The following AKAP6 variants were observed in gnomAD, a reference collection of about 807,000 sequenced individuals.
The protein encoded by AKAP6 is A-kinase anchoring protein 6.
In AKAP6, 58 loss-of-function variants were observed where a neutral mutation model predicts 188.5. That is an observed-to-expected ratio of 0.31 (90% CI 0.25 to 0.38). The LOEUF is 0.38. Among genes scored for constraint, AKAP6 ranks in the 10% least tolerant of loss-of-function variants. AKAP6 has a pLI of 1.00. For synonymous variants in AKAP6, 989 were observed against 998.6 expected, an observed-to-expected ratio of 0.99 and a Z score of 0.18; for missense variants, 2,710 against 2,740.0, an observed-to-expected ratio of 0.99 and a Z score of 0.24.
intron 2 of AKAP6, among the ~76,000 whole-genome samples, chr14:32,447,399 T>A (rs1181297088): frequency 6.6e-6 from 1 of 152,228 alleles, no homozygotes; most frequent in Non-Finnish European, 1.5e-5. Flanking sequence ...TCTTTCTAAG[T>A]GGCATTGGCG....
intron 2 of AKAP6, 148 bp downstream of exon 2, chr14:32,433,965 TG>T (rs1890302534): frequency 1.4e-6 from 1 of 700,196 alleles, no homozygotes; most frequent in Non-Finnish European, 2.3e-6. Flanking sequence ...GAGATAAACA[TG>T]GAAATAATTA....
At chr14:32,544,953 A>G (rs1883127630) in intron 3 of AKAP6, among the ~76,000 whole-genome samples, 1 of 152,184 alleles carries the variant, frequency 6.6e-6, no homozygotes, top group African/African-American at 2.4e-5. Flanking sequence ...TTAAGTTGAA[A>G]ATTAAGTCAA....
intron 5 of AKAP6, among the ~76,000 whole-genome samples, chr14:32,586,431 C>T (rs1342309149): frequency 6.6e-6 from 1 of 152,092 alleles, no homozygotes; most frequent in Non-Finnish European, 1.5e-5. Context: ...AGTTTGAGAC[C>T]AACCTGGCCA....
intron 5 of AKAP6, among the ~76,000 whole-genome samples, chr14:32,585,541 G>A (rs965952055): frequency 1.4e-4 from 21 of 152,040 alleles, no homozygotes; most frequent in African/African-American, 5.1e-4. Context: ...GTAAGTGTGA[G>A]TGGTTATTTA....
chr14:32,418,915 A>C (rs1366056153), intron 1 of AKAP6, among the ~76,000 whole-genome samples: 2 of 152,196 alleles, frequency 1.3e-5, no homozygotes, highest in South Asian at 2.1e-4. Flanking sequence ...TTCCACTAGA[A>C]AATACGCATT....
chr14:32,383,012 C>T (rs1301980780), intron 1 of AKAP6, among the ~76,000 whole-genome samples: 1 of 151,806 alleles, frequency 6.6e-6, no homozygotes, highest in African/African-American at 2.4e-5. Flanking sequence ...AAAAAAATTA[C>T]TGCTTCAGAA....
At chr14:32,753,227 G>T (rs1212246874) in intron 11 of AKAP6, among the ~76,000 whole-genome samples, 1 of 151,862 alleles carries the variant, frequency 6.6e-6, no homozygotes. Flanking sequence ...TTCTCTTTTT[G>T]ATAATAGCCA....
intron 2 of AKAP6, among the ~76,000 whole-genome samples, chr14:32,507,702 T>C (rs1880950483): frequency 1.3e-5 from 2 of 152,176 alleles, no homozygotes; most frequent in South Asian, 4.1e-4. Context: ...GGACAAAGAA[T>C]TCAGTGTGGC....
At chr14:32,716,345 T>C (rs1006022501) in intron 9 of AKAP6, among the ~76,000 whole-genome samples, 1 of 151,608 alleles carries the variant, frequency 6.6e-6, no homozygotes, top group Non-Finnish European at 1.5e-5. Flanking sequence ...ATAGTAAAAC[T>C]TTGTCACTGT....
At chr14:32,646,459 C>T (rs945121176) in intron 7 of AKAP6, among the ~76,000 whole-genome samples, 2 of 152,112 alleles carry the variant, frequency 1.3e-5, no homozygotes, top group Non-Finnish European at 2.9e-5. Context: ...TCTGAAGCTG[C>T]ACGCAAGATC....
intron 5 of AKAP6, among the ~76,000 whole-genome samples, chr14:32,582,179 G>A (rs1271175494): frequency 2.0e-5 from 3 of 151,976 alleles, no homozygotes; most frequent in Non-Finnish European, 4.4e-5. Flanking sequence ...AGCTCTTTTA[G>A]GGCAGGCCTG....
chr14:32,729,290 G>A (rs1269146285), intron 9 of AKAP6, among the ~76,000 whole-genome samples: 2 of 152,046 alleles, frequency 1.3e-5, no homozygotes, highest in African/African-American at 4.8e-5. Context: ...AAAAGGAGGG[G>A]GACTTCGGTG....
At chr14:32,407,536 G>T (rs1417229666) in intron 1 of AKAP6, among the ~76,000 whole-genome samples, 2 of 152,190 alleles carry the variant, frequency 1.3e-5, no homozygotes, top group Admixed American at 6.5e-5. Context: ...GAACAGATGT[G>T]CAGGCATGTT....
At chr14:32,475,103 T>A (rs889975739) in intron 2 of AKAP6, among the ~76,000 whole-genome samples, 3 of 152,060 alleles carry the variant, frequency 2.0e-5, no homozygotes, top group African/African-American at 7.2e-5. Context: ...TAATTTACTT[T>A]CAATGGTTTA....
intron 7 of AKAP6, among the ~76,000 whole-genome samples, chr14:32,618,533 T>C (rs1421199607): frequency 6.6e-6 from 1 of 152,190 alleles, no homozygotes; most frequent in Non-Finnish European, 1.5e-5. Flanking sequence ...ATTTTGTTCT[T>C]TTTTATGACT....
chr14:32,589,945 T>C (rs1196932550), intron 5 of AKAP6, among the ~76,000 whole-genome samples: 1 of 152,180 alleles, frequency 6.6e-6, no homozygotes, highest in Non-Finnish European at 1.5e-5. Flanking sequence ...TCTCTCCATG[T>C]GTAGATTCAT....
At chr14:32,352,083 GTGTGTGTGTGTGTGTGTGTT>G (rs1171967904) in intron 1 of AKAP6, among the ~76,000 whole-genome samples, 16 of 111,472 alleles carry the variant, frequency 1.4e-4, no homozygotes, top group African/African-American at 7.2e-4. Flanking sequence ...GTGTGTGTGT[GTGTGTGTGTGTGTGTGTGTT>G]TGTGTGTGTG....
At chr14:32,495,239 C>T (rs1880245590) in intron 2 of AKAP6, 1 of 152,132 alleles carries the variant, frequency 6.6e-6, no homozygotes, top group South Asian at 2.1e-4. Flanking sequence ...GATGAAAAAC[C>T]AAATCGACTT....
At position 32,384,257 on chromosome 14, in the gene AKAP6, C is replaced by T. The variant is rs566604085; in HGVS notation, c.-34-49203C>T. Among the ~76,000 whole-genome samples the T allele has an allele frequency of 7.2e-5, 11 of 152,230 alleles. No homozygotes were observed. In the South Asian group the frequency reaches 1.5e-3, roughly 20 times the overall value. On this transcript the variant is annotated intron_variant, in intron 1 of 13. Transcript: ENST00000280979. ...GGGAGGAGGGCTTTCTTTCTTTACT[C>T]GGTAAATTTTCGTGATACCGGAGCA...
Sources: gnomAD v4.1 joint callset for allele counts (sites outside exome capture counted in the v4.1 genomes callset) on GRCh38, gnomAD v4.1.1 for gene constraint, MANE v1.5 for transcripts, NCBI Gene and HGNC (gene_info 2026-07-23, HGNC 2026-07-21) for gene names.